The following UNC5A variants were observed in gnomAD, a reference collection of about 807,000 sequenced individuals.
UNC5A encodes unc-5 netrin receptor A, also known as netrin receptor UNC5A.
UNC5A carries 20 observed loss-of-function variants against 87.4 expected under a neutral mutation model. The observed-to-expected ratio is 0.23, with a 90% CI of 0.16 to 0.33. UNC5A has a LOEUF of 0.33. Among genes scored for constraint, UNC5A ranks in the 10% least tolerant of loss-of-function variants. UNC5A has a pLI of 1.00. For missense variants in UNC5A, 844 were observed against 1,133.4 expected, an observed-to-expected ratio of 0.74 and a Z score of 3.67; for synonymous variants, 438 against 482.3, an observed-to-expected ratio of 0.91 and a Z score of 1.20.
chr5:176,849,102 G>A lies in UNC5A; in HGVS notation c.71-13522G>A, dbSNP rs942012567. Among the ~76,000 whole-genome samples, 6 of 152,284 alleles carry A rather than the reference G, an allele frequency of 3.9e-5. No individual in the cohort carries two copies. The South Asian group carries it at 8.3e-4, about 21-fold the overall frequency. ...GACAGGGCTGGAGTGTGGCGGCAGC[G>A]GGGGTTCCCTTGCCTTGCTGTGACC... On this transcript the variant is annotated intron_variant, in intron 1 of 14. Transcript: ENST00000329542.
intron 1 of UNC5A, among the ~76,000 whole-genome samples, chr5:176,826,673 C>G (rs1320160086): frequency 2.2e-5 from 3 of 133,930 alleles, no homozygotes; most frequent in Non-Finnish European, 4.6e-5. Flanking sequence ...GACAGTCTTG[C>G]TCTGTTGCCC....
chr5:176,830,589 G>T (rs1756979586), intron 1 of UNC5A, among the ~76,000 whole-genome samples: 1 of 124,716 alleles, frequency 8.0e-6, no homozygotes, highest in African/African-American at 3.0e-5. Flanking sequence ...TGCGCGTGCT[G>T]GTGTGTGCAT....
In UNC5A at chr5:176,841,115, C is replaced by T. The variant is rs866754330; in HGVS notation, c.71-21509C>T. Among the ~76,000 whole-genome samples the T allele has an allele frequency of 6.6e-6, 1 of 152,250 alleles. No homozygotes were observed. The highest frequency in any genetic ancestry group is 2.4e-5 in the African/African-American group (1 of 41,466). On this transcript the variant is annotated intron_variant, in intron 1 of 14. Coordinates refer to ENST00000329542, the MANE Select transcript of UNC5A (RefSeq NM_133369.3). The surrounding 1 kb of genome is among the most constrained non-coding windows in gnomAD (Gnocchi z 4.1). ...CAACGGGAGTGTCAGAAACTGTTCT[C>T]ATCTCTTCAGCTAAACTTGTAAGGT...
intron 1 of UNC5A, among the ~76,000 whole-genome samples, chr5:176,822,512 G>T (rs1756752463): frequency 6.6e-6 from 1 of 152,256 alleles, no homozygotes; most frequent in African/African-American, 2.4e-5. Context: ...GGTGAAGGGT[G>T]AGTCACCAGA....
chr5:176,817,389 C>G (rs1489637013), intron 1 of UNC5A, among the ~76,000 whole-genome samples: 1 of 152,142 alleles, frequency 6.6e-6, no homozygotes, highest in East Asian at 1.9e-4. Context: ...GTGTCCCCAG[C>G]CAGGGCGGCA....
chr5:176,848,950 G>C lies in UNC5A; in HGVS notation c.71-13674G>C, dbSNP rs774929138. The stretch of plus-strand genomic sequence containing the variant: ...CAGGTACCTGGGGCAATGGACAGCC[G>C]ACCTCTCCGCCTCTGTCCAGGCCCA... On this transcript the variant is annotated intron_variant, in intron 1 of 14. Coordinates refer to ENST00000329542, the MANE Select transcript of UNC5A (RefSeq NM_133369.3). The surrounding 1 kb of genome is among the most constrained non-coding windows in gnomAD (Gnocchi z 5.8). Among the ~76,000 whole-genome samples the C allele has an allele frequency of 5.9e-5, 9 of 152,354 alleles. No individual in the cohort carries two copies. The highest frequency in any genetic ancestry group is 2.1e-4 in the South Asian group (1 of 4,826).
At chr5:176,839,648 G>A (rs551180736) in intron 1 of UNC5A, among the ~76,000 whole-genome samples, 4 of 152,178 alleles carry the variant, frequency 2.6e-5, no homozygotes, top group African/African-American at 4.8e-5. Flanking sequence ...GGCAGGGCCC[G>A]TGGCAGGAAG....
chr5:176,880,023 A>G lies in UNC5A; in HGVS notation c.*137A>G. On this transcript the variant is annotated 3_prime_UTR_variant, in exon 15 of 15. Coordinates refer to ENST00000329542, the MANE Select transcript of UNC5A (RefSeq NM_133369.3). Reference sequence around the variant, plus strand: ...CCCTCCCGGCCGAAGCTGTCCCTTAATGCTGGTCCTTCAGACCCTGCCCGA... The same window carrying G: ...CCCTCCCGGCCGAAGCTGTCCCTTAGTGCTGGTCCTTCAGACCCTGCCCGA... 1.7e-6 allele frequency: 2 copies of G among 1,198,630 alleles called. No individual in the cohort carries two copies. Among genetic ancestry groups the G allele is most frequent in the South Asian group, 3.2e-5 (2 of 62,786 alleles). The allele number at this position is 1,198,630 out of a possible 1,614,324, so 74.2% of individuals were successfully genotyped here.
intron 1 of UNC5A, among the ~76,000 whole-genome samples, chr5:176,832,098 T>C (rs1372697427): frequency 6.6e-6 from 1 of 152,058 alleles, no homozygotes; most frequent in African/African-American, 2.4e-5. Context: ...GGTTTCACCA[T>C]GTCGGCCAGG....
chr5:176,862,502 C>G (rs980652216), intron 1 of UNC5A, 122 bp from the exon 2 acceptor site: 2 of 931,750 alleles, frequency 2.1e-6, no homozygotes, highest in African/African-American at 3.3e-5. Context: ...TGGGACATGG[C>G]AGAGCCTGGA....
At chr5:176,853,952 A>G (rs1304212676) in intron 1 of UNC5A, among the ~76,000 whole-genome samples, 1 of 152,240 alleles carries the variant, frequency 6.6e-6, no homozygotes, top group Non-Finnish European at 1.5e-5. Flanking sequence ...TGCCCGTTTC[A>G]CAAATGAGAA....
intron 2 of UNC5A, among the ~76,000 whole-genome samples, chr5:176,863,598 C>T (rs1336302630): frequency 1.3e-5 from 2 of 152,010 alleles, no homozygotes; most frequent in African/African-American, 4.8e-5. Flanking sequence ...TCCCCACCCC[C>T]AGCCCTGGCC....
chr5:176,827,179 CTTTTTTTTT>C (rs35306601), intron 1 of UNC5A, among the ~76,000 whole-genome samples: 3 of 107,576 alleles, frequency 2.8e-5, no homozygotes, highest in African/African-American at 1.1e-4. Context: ...TGCTTCATTC[CTTTTTTTTT>C]TTTTTTTTTT....
intron 1 of UNC5A, among the ~76,000 whole-genome samples, chr5:176,847,129 C>G (rs1421057373): frequency 2.6e-5 from 4 of 152,210 alleles, no homozygotes; most frequent in African/African-American, 9.6e-5. Flanking sequence ...GTCTGCCTCA[C>G]CCCCGTTCGT....
At chr5:176,814,759 C>G (rs1272316288) in intron 1 of UNC5A, among the ~76,000 whole-genome samples, 1 of 152,254 alleles carries the variant, frequency 6.6e-6, no homozygotes, top group African/African-American at 2.4e-5. Flanking sequence ...ACCCTGTTCT[C>G]TGGCCCAACT....
rs181414715 is a variant in UNC5A at position 176,820,391 on chromosome 5, C to T, written c.70+9571C>T. Among the ~76,000 whole-genome samples, 3 of 150,740 alleles carry T rather than the reference C, an allele frequency of 2.0e-5. No individual in the cohort carries two copies. In the South Asian group the frequency reaches 6.3e-4, roughly 32 times the overall value. ...CAGCCTGGGTGAGAGAGTGAGACTCCGTCTCAAAAAAAAAAGAAAAGAAAG... is the reference window on the plus strand; with the variant it reads ...CAGCCTGGGTGAGAGAGTGAGACTCTGTCTCAAAAAAAAAAGAAAAGAAAG... On this transcript the variant is annotated intron_variant, in intron 1 of 14. Transcript: ENST00000329542.
chr5:176,816,510 A>G (rs1301695477), intron 1 of UNC5A, among the ~76,000 whole-genome samples: 1 of 152,228 alleles, frequency 6.6e-6, no homozygotes, highest in Non-Finnish European at 1.5e-5. Flanking sequence ...TGGAGGAGGT[A>G]GTGAAATGGG....
Position 176,870,468 on chromosome 5 carries a change from G to A in UNC5A, c.820G>A (p.Gly274Arg), listed in dbSNP as rs773919818. ...RECSDPAPRN[G>R]GEECQGTDLD... ...GTGCTCTGACCCAGCACCCCGCAAC[G>A]GAGGGGAGGAGTGCCAGGGCACTGA... is the stretch of plus-strand genomic sequence containing the variant. Residue 274 changes from glycine (G) to arginine (R), a missense_variant, in exon 6 of 15, where the codon GGA (glycine) becomes AGA (arginine). Coordinates refer to ENST00000329542, the MANE Select transcript of UNC5A (RefSeq NM_133369.3). 8 of 1,610,888 alleles carry A rather than the reference G, an allele frequency of 5.0e-6. No homozygotes were observed. The highest frequency in any genetic ancestry group is 5.1e-6 in the Non-Finnish European group (6 of 1,178,430).
intron 1 of UNC5A, among the ~76,000 whole-genome samples, chr5:176,837,604 G>C (rs1757177279): frequency 6.6e-6 from 1 of 152,180 alleles, no homozygotes; most frequent in Non-Finnish European, 1.5e-5. Flanking sequence ...GCGTGCAGAA[G>C]GTCTTCAGGG....
Sources: gnomAD v4.1 joint callset for allele counts (sites outside exome capture counted in the v4.1 genomes callset) on GRCh38, gnomAD v4.1.1 for gene constraint, Gnocchi (gnomAD v3.1) non-coding constraint, MANE v1.5 for transcripts, NCBI Gene and HGNC (gene_info 2026-07-23, HGNC 2026-07-21) for gene names.